DNAH9: variants seen among roughly 807,000 people sequenced by gnomAD.
The protein encoded by DNAH9 is dynein axonemal heavy chain 9, also known as DNAH9 variant protein.
A neutral mutation model predicts 471.6 loss-of-function variants in DNAH9; 345 were observed. That is an observed-to-expected ratio of 0.73 (90% CI 0.67 to 0.80). The LOEUF (loss-of-function observed/expected upper bound fraction) is 0.80. Ranked by LOEUF, DNAH9 falls within the 30% of genes least tolerant of loss-of-function variation. The pLI, the probability that DNAH9 is intolerant of heterozygous loss-of-function variation, is 0.00. For synonymous variants in DNAH9, 2,093 were observed against 2,123.6 expected, an observed-to-expected ratio of 0.99 and a Z score of 0.40; for missense variants, 5,407 against 5,609.2, an observed-to-expected ratio of 0.96 and a Z score of 1.15.
chr17:11,823,187 G>A (rs1482988061), intron 48 of DNAH9, among the ~76,000 whole-genome samples, 153 bp downstream of exon 48: 1 of 152,158 alleles, frequency 6.6e-6, no homozygotes, highest in Non-Finnish European at 1.5e-5. Flanking sequence ...ATGTTCTCGT[G>A]TGTTGCTTTC....
intron 49 of DNAH9, among the ~76,000 whole-genome samples, chr17:11,845,744 C>G (rs1279260486): frequency 1.4e-5 from 2 of 139,916 alleles, no homozygotes; most frequent in African/African-American, 2.8e-5. Context: ...ATTTTCATTG[C>G]TCTGATGGCC....
intron 45 of DNAH9, among the ~76,000 whole-genome samples, chr17:11,815,446 T>A (rs1970064443): frequency 6.6e-6 from 1 of 152,112 alleles, no homozygotes; most frequent in Admixed American, 6.6e-5. Context: ...TCCCATGCTA[T>A]CCCCACTCCA....
intron 41 of DNAH9, among the ~76,000 whole-genome samples, chr17:11,786,149 G>A (rs755457579): frequency 4.6e-5 from 7 of 152,108 alleles, no homozygotes; most frequent in Non-Finnish European, 1.0e-4. Flanking sequence ...CAGAACTGAA[G>A]GGAGAAGCAT....
At chr17:11,694,211 G>T (rs1200974603) in intron 21 of DNAH9, 110 bp from the exon 22 acceptor site, 3 of 1,331,200 alleles carry the variant, frequency 2.3e-6, no homozygotes, top group African/African-American at 1.5e-5. Flanking sequence ...AGTGTTTCTT[G>T]TGCTAATGCA....
intron 19 of DNAH9, among the ~76,000 whole-genome samples, chr17:11,684,869 AC>A (rs2074210767): frequency 6.6e-6 from 1 of 152,278 alleles, no homozygotes. Context: ...CTCTTCCATA[AC>A]TGCAGAAAAG....
rs200735152 is a variant in DNAH9 at position 11,923,986 on chromosome 17, C to A, written c.11877+45C>A. 16 of 1,599,396 alleles carry A rather than the reference C, an allele frequency of 1.0e-5. No homozygotes were observed. The African/African-American group carries it at 1.6e-4, about 16-fold the overall frequency. On this transcript the variant is annotated intron_variant, in intron 62 of 68. Coordinates refer to ENST00000262442, the MANE Select transcript of DNAH9 (RefSeq NM_001372.4). ...TCTGGGTTATCTTGACCCATACTTG[C>A]CTCATCCCACACTCACTGGGCATCT...
At chr17:11,640,514 C>A in intron 10 of DNAH9, 130 bp downstream of exon 10, 1 of 741,280 alleles carries the variant, frequency 1.3e-6, no homozygotes, top group Non-Finnish European at 2.4e-6. Context: ...CCATTTCCAG[C>A]AAGGGATTAG....
At position 11,932,004 on chromosome 17, in the gene DNAH9, C is replaced by G. The variant is rs2286305; in HGVS notation, c.12106-10C>G. 2 of 1,613,202 alleles carry G rather than the reference C, an allele frequency of 1.2e-6. No homozygotes were observed. The highest frequency in any genetic ancestry group is 4.5e-5 in the East Asian group (2 of 44,860). On this transcript the variant is annotated splice_polypyrimidine_tract_variant and intron_variant, in intron 63 of 68. Coordinates refer to ENST00000262442, the MANE Select transcript of DNAH9 (RefSeq NM_001372.4). The surrounding 1 kb of genome is among the most constrained non-coding windows in gnomAD (Gnocchi z 4.3). ...GTGTGCGAACCTTAAAAGCGACACT[C>G]TCATTTCAGGACACTCTGGAGATGT...
intron 48 of DNAH9, among the ~76,000 whole-genome samples, chr17:11,824,886 TCTC>T (rs1236245807): frequency 3.3e-5 from 5 of 151,424 alleles, no homozygotes; most frequent in Non-Finnish European, 5.9e-5. Flanking sequence ...TCCTTCTCCT[TCTC>T]CTCCTCCTTC....
rs187425716 is a variant in DNAH9, at chr17:11,851,458, A to G, written c.9508-2545A>G. Among the ~76,000 whole-genome samples, 15 of 152,178 alleles carry G rather than the reference A, an allele frequency of 9.9e-5. No individual in the cohort carries two copies. The East Asian group carries it at 2.5e-3, about 25-fold the overall frequency. On this transcript the variant is annotated intron_variant, in intron 49 of 68. Coordinates refer to ENST00000262442, the MANE Select transcript of DNAH9 (RefSeq NM_001372.4). ...TGGATGCAGAGGTATCAGCCATGCA[A>G]ATGTCTTAGGAGGAAGTGTTCCAGG...
chr17:11,756,549 C>G lies in DNAH9; in HGVS notation c.6739-19C>G. 2 of 1,472,968 alleles carry G rather than the reference C, an allele frequency of 1.4e-6. No individual in the cohort carries two copies. The highest frequency in any genetic ancestry group is 9.5e-7 in the Non-Finnish European group (1 of 1,051,218). The allele number at this position is 1,472,968 out of a possible 1,614,324, so 91.2% of individuals were successfully genotyped here. A position where few individuals can be genotyped will look rare whatever the true frequency, so the allele number is the denominator to read the frequency against. ...CCTCCCTCCTTCCTCACTGGCATGC[C>G]CTTCCCTGTTGTCTCCAGGTGCTGA... On this transcript the variant is annotated intron_variant, in intron 33 of 68. Coordinates refer to ENST00000262442, the MANE Select transcript of DNAH9 (RefSeq NM_001372.4).
intron 66 of DNAH9, among the ~76,000 whole-genome samples, chr17:11,941,267 A>G (rs758817277): frequency 3.2e-4 from 48 of 152,206 alleles, no homozygotes; most frequent in African/African-American, 4.8e-4. Context: ...GATATCCACC[A>G]CAGGCACCTA....
intron 17 of DNAH9, among the ~76,000 whole-genome samples, chr17:11,676,483 A>G (rs1179052949): frequency 6.6e-6 from 1 of 151,642 alleles, no homozygotes; most frequent in African/African-American, 2.4e-5. Flanking sequence ...GGGTTTCTCC[A>G]TGTTGGTCAT....
chr17:11,778,735 A>G (rs1968559091), intron 38 of DNAH9, among the ~76,000 whole-genome samples: 3 of 152,150 alleles, frequency 2.0e-5, no homozygotes, highest in South Asian at 4.1e-4. Context: ...GGCCGGGCAC[A>G]GTGGCTCGTG....
intron 2 of DNAH9, among the ~76,000 whole-genome samples, chr17:11,609,953 C>T (rs1241451921): frequency 1.3e-5 from 2 of 152,160 alleles, no homozygotes; most frequent in East Asian, 3.9e-4. Context: ...TAGAGACAAA[C>T]TTTTTCCTTG....
At chr17:11,877,731 G>T (rs1972559729) in intron 53 of DNAH9, among the ~76,000 whole-genome samples, 1 of 152,090 alleles carries the variant, frequency 6.6e-6, no homozygotes, top group Admixed American at 6.5e-5. Context: ...CCATCTTATA[G>T]AGCAAACTTT....
At chr17:11,822,666 A>C (rs1222190933) in intron 47 of DNAH9, 67 bp downstream of exon 47, 4 of 1,599,308 alleles carry the variant, frequency 2.5e-6, no homozygotes, top group Non-Finnish European at 3.4e-6. Flanking sequence ...TTCCCTGTCC[A>C]GGATGTTAGG....
At chr17:11,843,890 T>TAC (rs1555607926) in intron 49 of DNAH9, among the ~76,000 whole-genome samples, 8 of 127,230 alleles carry the variant, frequency 6.3e-5, no homozygotes, top group African/African-American at 1.5e-4. Flanking sequence ...TATATATATA[T>TAC]ACACATAGAG....
chr17:11,851,752 T>A (rs924903527), intron 49 of DNAH9, among the ~76,000 whole-genome samples: 1 of 152,130 alleles, frequency 6.6e-6, no homozygotes, highest in African/African-American at 2.4e-5. Flanking sequence ...TTGCCAGATA[T>A]TCGAGTGAGA....
Sources: allele counts gnomAD v4.1 joint callset (sites outside exome capture counted in the v4.1 genomes callset), GRCh38; gene constraint gnomAD v4.1.1; non-coding constraint Gnocchi (gnomAD v3.1); transcripts MANE v1.5; gene names NCBI Gene and HGNC (gene_info 2026-07-23, HGNC 2026-07-21).